KLHL29: variants seen among roughly 807,000 people sequenced by gnomAD.
KLHL29 encodes the protein kelch like family member 29, also known as kelch-like protein 29.
In KLHL29, 21 loss-of-function variants were observed where a neutral mutation model predicts 80.4. The ratio of observed to expected loss-of-function variants is 0.26; its 90% CI spans 0.19 to 0.38. The LOEUF is 0.38. Among genes scored for constraint, KLHL29 ranks in the 10% least tolerant of loss-of-function variants. KLHL29 has a pLI of 1.00. For synonymous variants in KLHL29, 511 were observed against 526.8 expected (o/e 0.97, Z 0.41); for missense variants, 867 against 1,223.9 (o/e 0.71, Z 4.35).
chr2:23,463,307 A>G (rs11903250), intron 1 of KLHL29, among the ~76,000 whole-genome samples: 15,827 of 151,888 alleles, frequency 0.1, 1,679 homozygotes, highest in East Asian at 0.3. Flanking sequence ...AGTGACCTTC[A>G]AAAGTCTGTT....
intron 2 of KLHL29, among the ~76,000 whole-genome samples, chr2:23,545,369 G>A (rs1017995718): frequency 2.0e-5 from 3 of 152,244 alleles, no homozygotes; most frequent in African/African-American, 4.8e-5. Flanking sequence ...ATAAAGTGGA[G>A]GCAGTGCTAT....
At chr2:23,391,005 C>G (rs1180792958) in intron 1 of KLHL29, among the ~76,000 whole-genome samples, 2 of 152,206 alleles carry the variant, frequency 1.3e-5, no homozygotes, top group Admixed American at 6.5e-5. Context: ...GCTCCAGAAC[C>G]CTTCGTCTTG....
chr2:23,412,029 C>T (rs1014437497), intron 1 of KLHL29, among the ~76,000 whole-genome samples: 2 of 150,912 alleles, frequency 1.3e-5, no homozygotes, highest in African/African-American at 4.9e-5. Flanking sequence ...GCAGAAGAAA[C>T]AGATGTGTCA....
intron 5 of KLHL29, among the ~76,000 whole-genome samples, chr2:23,674,074 A>G (rs563025790): frequency 6.6e-6 from 1 of 152,280 alleles, no homozygotes; most frequent in Non-Finnish European, 1.5e-5. Flanking sequence ...GTCAGGAAGA[A>G]CCAGCCATCC....
intron 1 of KLHL29, among the ~76,000 whole-genome samples, chr2:23,412,578 A>G (rs945950467): frequency 3.3e-5 from 5 of 152,116 alleles, no homozygotes; most frequent in African/African-American, 1.2e-4. Context: ...ACCTTGAGGG[A>G]AGGAGAGAGC....
chr2:23,704,235 AG>A (rs1672574664), intron 13 of KLHL29, among the ~76,000 whole-genome samples: 1 of 152,234 alleles, frequency 6.6e-6, no homozygotes, highest in Non-Finnish European at 1.5e-5. Context: ...TACAGGGACA[AG>A]TGACTTCTTG....
chr2:23,434,576 GAAGA>G (rs1663285750), intron 1 of KLHL29, among the ~76,000 whole-genome samples: 1 of 152,180 alleles, frequency 6.6e-6, no homozygotes, highest in Admixed American at 6.5e-5. Context: ...TTGTAGACGG[GAAGA>G]AAGAAAGAAG....
chr2:23,639,279 A>C lies in KLHL29; in HGVS notation c.426A>C (p.Pro142=). The change falls in exon 4 of 14, where the codon CCA becomes CCC. Residue 142 remains proline, a splice_region_variant and synonymous_variant. Transcript: ENST00000486442. ...PSKQMRESDN[P]GTGPWVTTVA... Reference sequence around the variant, plus strand: ...AACAGATGAGAGAGAGTGACAATCCAGGTACGTACCTCATCGGCAGATAGA... The same window carrying C: ...AACAGATGAGAGAGAGTGACAATCCCGGTACGTACCTCATCGGCAGATAGA... 6.5e-7 allele frequency: 1 copy of C among 1,547,188 alleles called. No homozygotes were observed. Among genetic ancestry groups the C allele is most frequent in the Non-Finnish European group, 8.7e-7 (1 of 1,145,072 alleles).
chr2:23,693,233 GC>G, intron 7 of KLHL29, 35 bp from the exon 8 acceptor site: 1 of 1,521,682 alleles, frequency 6.6e-7, no homozygotes, highest in Non-Finnish European at 8.9e-7. Flanking sequence ...TGCTTCCCGG[GC>G]CTTTGGGTCA....
intron 2 of KLHL29, among the ~76,000 whole-genome samples, chr2:23,490,009 T>C (rs1233209492): frequency 3.3e-5 from 5 of 152,252 alleles, no homozygotes; most frequent in Admixed American, 6.5e-5. Context: ...ATGGATTGTT[T>C]CCCCGCCTGC....
chr2:23,623,911 T>G (rs1174293374), intron 3 of KLHL29, among the ~76,000 whole-genome samples: 1 of 151,782 alleles, frequency 6.6e-6, no homozygotes, highest in East Asian at 1.9e-4. Context: ...GTTTGGAGGG[T>G]CCCCCATTTC....
intron 4 of KLHL29, among the ~76,000 whole-genome samples, chr2:23,639,634 G>A (rs973604219): frequency 2.0e-5 from 3 of 151,506 alleles, no homozygotes; most frequent in Non-Finnish European, 2.9e-5. Context: ...TTTACTTGCT[G>A]GTGGTTGTAT....
intron 3 of KLHL29, among the ~76,000 whole-genome samples, chr2:23,606,975 A>G (rs1668743741): frequency 6.6e-6 from 1 of 152,216 alleles, no homozygotes; most frequent in South Asian, 2.1e-4. Context: ...TGGCTCATGG[A>G]CAGCACCTTC....
intron 13 of KLHL29, among the ~76,000 whole-genome samples, chr2:23,704,403 T>G (rs1270919707): frequency 1.3e-5 from 2 of 152,204 alleles, no homozygotes; most frequent in East Asian, 3.9e-4. Context: ...TCTGGCCCTG[T>G]GGCAGCGAGA....
At position 23,476,785 on chromosome 2, in the gene KLHL29, C is replaced by T. The variant is rs555128569; in HGVS notation, c.-46+1118C>T. On this transcript the variant is annotated intron_variant, in intron 2 of 13. Transcript: ENST00000486442. ...TAGCTTAAACTTTTGACTCCAGGTT[C>T]TCCAAGCAGGATCAGGCAGCCAGAA... Among the ~76,000 whole-genome samples, 15 of 152,372 alleles carry T rather than the reference C, an allele frequency of 9.8e-5. No homozygotes were observed. The East Asian group carries it at 2.1e-3, about 22-fold the overall frequency.
chr2:23,665,297 C>G (rs1239768208), intron 5 of KLHL29, among the ~76,000 whole-genome samples: 7 of 152,192 alleles, frequency 4.6e-5, no homozygotes, highest in Admixed American at 2.0e-4. Context: ...GATGTGTTGT[C>G]TCCAGGGGCC....
chr2:23,574,272 G>T (rs191183818), intron 3 of KLHL29, among the ~76,000 whole-genome samples: 17 of 152,226 alleles, frequency 1.1e-4, no homozygotes, highest in Admixed American at 1.0e-3. Context: ...CTATTTGAGG[G>T]GGCTGCTAGG....
At chr2:23,639,009 C>A in intron 3 of KLHL29, 130 bp from the exon 4 acceptor site, 7 of 845,260 alleles carry the variant, frequency 8.3e-6, no homozygotes, top group South Asian at 2.3e-5. Flanking sequence ...CTGCCTCTGA[C>A]CCTGTACTCA....
In KLHL29 at chr2:23,390,793, A is replaced by G. The variant is rs575939857; in HGVS notation, c.-154+5013A>G. On this transcript the variant is annotated intron_variant, in intron 1 of 13. Transcript: ENST00000486442. ...CAGCCTCCAGAGTAGCTGGGATTAC[A>G]GGCGCCTGCCACCACGCCCAGCAAA... is the stretch of plus-strand genomic sequence containing the variant. Among the ~76,000 whole-genome samples, 8 of 151,758 alleles carry G rather than the reference A, an allele frequency of 5.3e-5. No individual in the cohort carries two copies. In the East Asian group the frequency reaches 1.6e-3, roughly 29 times the overall value.
Sources: gnomAD v4.1 joint callset for allele counts (sites outside exome capture counted in the v4.1 genomes callset) on GRCh38, gnomAD v4.1.1 for gene constraint, MANE v1.5 for transcripts, NCBI Gene and HGNC (gene_info 2026-07-23, HGNC 2026-07-21) for gene names.